MAGI2: variants seen among roughly 807,000 people sequenced by gnomAD.
The protein encoded by MAGI2 is membrane associated guanylate kinase, WW and PDZ domain containing 2, also known as membrane-associated guanylate kinase, WW and PDZ domain-containing protein 2.
Under a neutral mutation model 133.3 loss-of-function variants are expected in MAGI2, and 35 were observed. The observed-to-expected ratio is 0.26, with a 90% CI of 0.20 to 0.35. The LOEUF (loss-of-function observed/expected upper bound fraction) is 0.35. Among genes scored for constraint, MAGI2 ranks in the 10% least tolerant of loss-of-function variants. The probability of loss-of-function intolerance (pLI) is 1.00; values close to 1 mark genes in which losing one functional copy is unlikely to be tolerated. For missense variants in MAGI2, 1,636 were observed against 1,863.4 expected, an observed-to-expected ratio of 0.88 and a Z score of 2.25; for synonymous variants, 729 against 710.6, an observed-to-expected ratio of 1.03 and a Z score of -0.41.
chr7:79,118,181 G>A (rs1159601733), intron 1 of MAGI2, among the ~76,000 whole-genome samples: 1 of 152,136 alleles, frequency 6.6e-6, no homozygotes, highest in Non-Finnish European at 1.5e-5. Flanking sequence ...GGGCTACCCA[G>A]GACAGTCCTG....
At chr7:78,063,775 G>A (rs972878597) in intron 21 of MAGI2, among the ~76,000 whole-genome samples, 5 of 152,086 alleles carry the variant, frequency 3.3e-5, no homozygotes, top group African/African-American at 7.2e-5. Flanking sequence ...TTTACTGCCT[G>A]CTTTGGGTTC....
intron 1 of MAGI2, among the ~76,000 whole-genome samples, chr7:79,439,308 A>G (rs563416025): frequency 6.6e-6 from 1 of 152,050 alleles, no homozygotes; most frequent in Non-Finnish European, 1.5e-5. Context: ...AAACATTTCC[A>G]CCTGTCCTAT....
intron 1 of MAGI2, among the ~76,000 whole-genome samples, chr7:79,277,090 G>A (rs1835283525): frequency 6.6e-6 from 1 of 152,158 alleles, no homozygotes; most frequent in Non-Finnish European, 1.5e-5. Flanking sequence ...GAAACAGCAT[G>A]ACTTGCTACA....
intron 6 of MAGI2, among the ~76,000 whole-genome samples, chr7:78,462,314 A>G (rs1790146332): frequency 6.6e-6 from 1 of 152,206 alleles, no homozygotes; most frequent in Non-Finnish European, 1.5e-5. Context: ...TGAAGGTGGC[A>G]AAGGTGCATT....
chr7:78,450,060 A>G (rs1167259165), intron 6 of MAGI2, among the ~76,000 whole-genome samples: 1 of 152,068 alleles, frequency 6.6e-6, no homozygotes, highest in African/African-American at 2.4e-5. Flanking sequence ...GTAGAAGTCA[A>G]TGGAATTTTT....
intron 2 of MAGI2, among the ~76,000 whole-genome samples, chr7:78,903,324 G>A (rs1480909235): frequency 6.6e-6 from 1 of 151,586 alleles, no homozygotes; most frequent in East Asian, 1.9e-4. Context: ...CTCCCAGGTA[G>A]CTGGGACTAC....
intron 2 of MAGI2, among the ~76,000 whole-genome samples, chr7:78,701,565 G>A (rs1361827300): frequency 6.6e-6 from 1 of 151,822 alleles, no homozygotes; most frequent in Non-Finnish European, 1.5e-5. Flanking sequence ...CAGAAAAGGT[G>A]GTATTTGTGC....
intron 7 of MAGI2, among the ~76,000 whole-genome samples, chr7:78,367,341 T>A (rs1184845907): frequency 6.6e-6 from 1 of 152,092 alleles, no homozygotes; most frequent in Non-Finnish European, 1.5e-5. Flanking sequence ...TTTAGTTAAA[T>A]CCTCTCCTGC....
At chr7:79,181,496 G>A (rs1826618671) in intron 1 of MAGI2, among the ~76,000 whole-genome samples, 1 of 151,870 alleles carries the variant, frequency 6.6e-6, no homozygotes, top group Admixed American at 6.6e-5. Context: ...TCCCTAGACT[G>A]TACACAGCAG....
intron 2 of MAGI2, among the ~76,000 whole-genome samples, chr7:78,924,853 C>CTATTATTAT (rs1287134682): frequency 8.7e-5 from 13 of 148,834 alleles, no homozygotes; most frequent in African/African-American, 2.7e-4. Flanking sequence ...ATTATTACTA[C>CTATTATTAT]TATTATTATT....
At chr7:78,716,241 A>T (rs1819688368) in intron 2 of MAGI2, among the ~76,000 whole-genome samples, 1 of 152,112 alleles carries the variant, frequency 6.6e-6, no homozygotes. Context: ...TTTTATTTTA[A>T]TTTTATTTAA....
chr7:78,460,036 C>T (rs1789795919), intron 6 of MAGI2, among the ~76,000 whole-genome samples: 1 of 152,206 alleles, frequency 6.6e-6, no homozygotes, highest in African/African-American at 2.4e-5. Context: ...AAAGAGACAA[C>T]ACAAGACAAG....
intron 2 of MAGI2, among the ~76,000 whole-genome samples, chr7:78,844,595 A>C (rs1339956442): frequency 3.3e-5 from 5 of 151,944 alleles, no homozygotes; most frequent in African/African-American, 9.7e-5. Flanking sequence ...TGGAATAGGC[A>C]AATCCATAGA....
At chr7:78,238,748 A>T (rs1043272329) in intron 10 of MAGI2, among the ~76,000 whole-genome samples, 2 of 152,024 alleles carry the variant, frequency 1.3e-5, no homozygotes, top group Non-Finnish European at 2.9e-5. Flanking sequence ...CCAACAGTCT[A>T]TTCTCAACAC....
chr7:78,629,427 A>G (rs1808728693), intron 2 of MAGI2, among the ~76,000 whole-genome samples: 2 of 152,024 alleles, frequency 1.3e-5, no homozygotes, highest in South Asian at 4.2e-4. Context: ...TCTAATTATG[A>G]TCTCTAGTCC....
intron 1 of MAGI2, among the ~76,000 whole-genome samples, chr7:79,344,574 G>C (rs1841166060): frequency 6.6e-6 from 1 of 152,084 alleles, no homozygotes; most frequent in South Asian, 2.1e-4. Flanking sequence ...ATAAACAAAG[G>C]TGCAAAAATA....
intron 6 of MAGI2, among the ~76,000 whole-genome samples, chr7:78,431,222 T>C (rs1415752854): frequency 6.6e-6 from 1 of 152,046 alleles, no homozygotes; most frequent in Non-Finnish European, 1.5e-5. Context: ...AAAATATGTA[T>C]GTGAGTGAAG....
intron 2 of MAGI2, among the ~76,000 whole-genome samples, chr7:78,859,275 T>C (rs563135784): frequency 5.3e-5 from 8 of 152,350 alleles, no homozygotes; most frequent in African/African-American, 1.9e-4. Flanking sequence ...AATTTGATCC[T>C]GTCATTATGA....
At chr7:78,413,557 C>G (rs1027629066) in intron 6 of MAGI2, among the ~76,000 whole-genome samples, 2 of 151,908 alleles carry the variant, frequency 1.3e-5, no homozygotes, top group Non-Finnish European at 2.9e-5. Context: ...TTCTGAAGCT[C>G]AAAAATATTT....
Sources: allele counts gnomAD v4.1 joint callset (sites outside exome capture counted in the v4.1 genomes callset), GRCh38; gene constraint gnomAD v4.1.1; transcripts MANE v1.5; gene names NCBI Gene and HGNC (gene_info 2026-07-23, HGNC 2026-07-21).